FAM186A: variants seen among roughly 807,000 people sequenced by gnomAD.
FAM186A encodes family with sequence similarity 186 member A, also known as protein FAM186A.
A neutral mutation model predicts 216.8 loss-of-function variants in FAM186A; 163 were observed. The observed-to-expected ratio is 0.75, with a 90% CI of 0.66 to 0.86. FAM186A has a LOEUF of 0.86. Ranked by LOEUF, FAM186A falls within the 40% of genes least tolerant of loss-of-function variation. FAM186A has a pLI of 0.00. For synonymous variants in FAM186A, 805 were observed against 1,025.3 expected (o/e 0.79, Z 4.10); for missense variants, 2,184 against 2,746.2 (o/e 0.80, Z 4.58).
chr12:50,345,547 A>G (rs1942803597), intron 4 of FAM186A, among the ~76,000 whole-genome samples: 1 of 152,126 alleles, frequency 6.6e-6, no homozygotes, highest in African/African-American at 2.4e-5. Flanking sequence ...TAGGGATGCA[A>G]TTTCATTCTT....
chr12:50,354,498 G>T lies in FAM186A; in HGVS notation c.2334C>A (p.Leu778=). The T allele has an allele frequency of 6.4e-7, 1 of 1,551,628 alleles. No individual in the cohort carries two copies. Among genetic ancestry groups the T allele is most frequent in the Non-Finnish European group, 8.7e-7 (1 of 1,146,994 alleles). ...PISAKSESST[L]LSYESTDPVI... is the part of the protein sequence containing the mutation. ...CTGGATCTGTGCTCTCATATGAGAG[G>T]AGGGTACTGCTTTCAGATTTTGCAC... The change falls in exon 4 of 8, where the codon CTC becomes CTA. Residue 778 remains leucine, a synonymous_variant. Coordinates refer to ENST00000327337, the MANE Select transcript of FAM186A (RefSeq NM_001145475.3).
intron 6 of FAM186A, among the ~76,000 whole-genome samples, chr12:50,331,306 C>T (rs1942653871): frequency 6.6e-6 from 1 of 152,182 alleles, no homozygotes; most frequent in South Asian, 2.1e-4. Flanking sequence ...ATGGCACGAT[C>T]TCGGCTCACC....
chr12:50,355,649 T>C lies in FAM186A; in HGVS notation c.1183A>G (p.Lys395Glu), dbSNP rs1341667886. 1.3e-6 allele frequency: 2 copies of C among 1,551,240 alleles called. No individual in the cohort carries two copies. The highest frequency in any genetic ancestry group is 2.7e-5 in the African/African-American group (2 of 73,114). The part of the protein sequence containing the change: ...IVDEVQRKET[K>E]DSGIKWDSTI... ...GAGTCCCATTTTATCCCAGAGTCCT[T>C]GGTCTCTTTTCTTTGGACTTCATCT... is the stretch of plus-strand genomic sequence containing the variant. The change falls in exon 4 of 8, where the codon AAG becomes GAG. Residue 395 changes from lysine to glutamate, a missense_variant. By Grantham distance (56) the Lys-to-Glu change is moderately conservative. Coordinates refer to ENST00000327337, the MANE Select transcript of FAM186A (RefSeq NM_001145475.3).
In FAM186A at chr12:50,351,483, A is replaced by C; in HGVS notation, c.5349T>G (p.Leu1783=). 1 of 1,485,048 alleles carries C rather than the reference A, an allele frequency of 6.7e-7. No homozygotes were observed. The highest frequency in any genetic ancestry group is 2.5e-5 in the East Asian group (1 of 40,624). The allele number at this position is 1,485,048 out of a possible 1,614,324, so 92.0% of individuals were successfully genotyped here. ...APGKPLEMGI[L]SEPGKLGAPQ... ...GTGCCCCAAGCTTCCCAGGCTCAGA[A>C]AGAATCCCCATTTCTAGGGGCTTCC... The change falls in exon 4 of 8, where the codon CTT becomes CTG. Residue 1783 remains leucine (L), a synonymous_variant. Transcript: ENST00000327337.
At chr12:50,343,978 C>T (rs1408617675) in intron 4 of FAM186A, among the ~76,000 whole-genome samples, 1 of 147,820 alleles carries the variant, frequency 6.8e-6, no homozygotes, top group Non-Finnish European at 1.5e-5. Context: ...GTCTCGAACT[C>T]CTGGATTCAA....
intron 1 of FAM186A, among the ~76,000 whole-genome samples, chr12:50,384,150 A>G (rs1211751595): frequency 1.3e-5 from 2 of 152,020 alleles, no homozygotes; most frequent in African/African-American, 2.4e-5. Flanking sequence ...TAAGATATGT[A>G]CAGAGGCCAG....
chr12:50,384,793 T>A (rs1173458711), intron 1 of FAM186A, among the ~76,000 whole-genome samples: 1 of 152,058 alleles, frequency 6.6e-6, no homozygotes, highest in Non-Finnish European at 1.5e-5. Flanking sequence ...AAAAATCCAC[T>A]CAAAATGGAT....
intron 3 of FAM186A, among the ~76,000 whole-genome samples, chr12:50,360,136 C>T (rs369978658): frequency 8.0e-4 from 121 of 150,958 alleles, no homozygotes; most frequent in African/African-American, 2.6e-3. Flanking sequence ...CCCAGCTACT[C>T]GGGGAGCTGA....
At position 50,373,078 on chromosome 12, in the gene FAM186A, AAAAG is replaced by A. The variant is rs563875264; in HGVS notation, c.193-9718_193-9715del. ...AAGAAAGAAAGAAAGAAAGAAAGAG[AAAAG>A]AAAGAAAGAAAGAAAAGAAAGAAAG... On this transcript the variant is annotated intron_variant, in intron 1 of 7. Coordinates refer to ENST00000327337, the MANE Select transcript of FAM186A (RefSeq NM_001145475.3). 2.6e-3 allele frequency among the ~76,000 whole-genome samples: 371 copies of A among 145,122 alleles called. 1 individual carries two copies. The highest frequency in any genetic ancestry group is 0.012 in the East Asian group (61 of 4,922).
rs1348150631 is a variant in FAM186A at position 50,363,352 on chromosome 12, G to T, written c.205C>A (p.Gln69Lys). 6.5e-7 allele frequency: 1 copy of T among 1,549,472 alleles called. No individual in the cohort carries two copies. Among genetic ancestry groups the T allele is most frequent in the Non-Finnish European group, 8.7e-7 (1 of 1,146,180 alleles). Residue 69 changes from glutamine to lysine, a missense_variant, in exon 2 of 8, where the codon CAG (glutamine) becomes AAG (lysine). Coordinates refer to ENST00000327337, the MANE Select transcript of FAM186A (RefSeq NM_001145475.3). ...ACATTGTTCATTATTTCACTCAGCT[G>T]CATATCAATGTCCTGTCAGAATAAG... Reference protein sequence around the residue: ...LHRAREDIDMQLSEIMNNVHR... With the variant: ...LHRAREDIDMKLSEIMNNVHR...
chr12:50,373,254 G>T (rs61926181), intron 1 of FAM186A, among the ~76,000 whole-genome samples: 1 of 151,932 alleles, frequency 6.6e-6, no homozygotes, highest in African/African-American at 2.4e-5. Context: ...AAAATTAGCC[G>T]GGTGTGGTGG....
Position 50,351,788 on chromosome 12 carries a change from C to T in FAM186A, c.5044G>A (p.Glu1682Lys). ...GGAACCCCTAACTTCAATAACTGTT[C>T]TTGAGCCTGTTCTAAGTTCATAGGG... The part of the protein sequence containing the change: ...ESPMNLEQAQ[E>K]QLLKLGVPLT... Residue 1682 changes from glutamate (E) to lysine (K), a missense_variant, in exon 4 of 8, where the codon GAA becomes AAA. By Grantham distance (56) the Glu-to-Lys change is moderately conservative (BLOSUM62 1). Around this residue, in one of 7 missense-constraint regions of FAM186A, gnomAD observed 721 missense variants for 816.4 expected, o/e 0.88. Coordinates refer to ENST00000327337, the MANE Select transcript of FAM186A (RefSeq NM_001145475.3). The T allele has an allele frequency of 1.3e-6, 2 of 1,550,120 alleles. No individual in the cohort carries two copies. The highest frequency in any genetic ancestry group is 1.7e-6 in the Non-Finnish European group (2 of 1,146,170).
chr12:50,335,071 G>A (rs1037865810), intron 4 of FAM186A, among the ~76,000 whole-genome samples: 3 of 151,758 alleles, frequency 2.0e-5, no homozygotes, highest in Admixed American at 6.6e-5. Context: ...TGACCAGCTT[G>A]GGCAATATAG....
chr12:50,340,769 A>C (rs1013225433), intron 4 of FAM186A, among the ~76,000 whole-genome samples: 1 of 150,560 alleles, frequency 6.6e-6, no homozygotes, highest in African/African-American at 2.4e-5. Flanking sequence ...ATATATGGAA[A>C]CAAATGTCTA....
At chr12:50,384,133 G>C (rs970574049) in intron 1 of FAM186A, among the ~76,000 whole-genome samples, 1 of 151,772 alleles carries the variant, frequency 6.6e-6, no homozygotes, top group Non-Finnish European at 1.5e-5. Flanking sequence ...AAGAAAGAAA[G>C]AAATCCTAAG....
intron 4 of FAM186A, among the ~76,000 whole-genome samples, chr12:50,347,229 T>A (rs1429043619): frequency 6.6e-6 from 1 of 152,126 alleles, no homozygotes; most frequent in African/African-American, 2.4e-5. Context: ...CCTTGAACAT[T>A]GTGGGTTACT....
chr12:50,348,927 G>A (rs1462930694), intron 4 of FAM186A, among the ~76,000 whole-genome samples: 1 of 151,892 alleles, frequency 6.6e-6, no homozygotes, highest in Non-Finnish European at 1.5e-5. Context: ...ATATTTTGGG[G>A]GTACAGGAGA....
intron 1 of FAM186A, among the ~76,000 whole-genome samples, chr12:50,372,768 G>A (rs887904659): frequency 6.6e-6 from 1 of 151,078 alleles, no homozygotes; most frequent in African/African-American, 2.4e-5. Flanking sequence ...TGGGCATATT[G>A]GTGGGTGACT....
rs1184030049 is a variant in FAM186A at position 50,355,834 on chromosome 12, G to A, written c.998C>T (p.Ser333Phe). The change falls in exon 4 of 8, where the codon TCC becomes TTC. Residue 333 changes from serine to phenylalanine, a missense_variant. By Grantham distance (155) the Ser-to-Phe change is radical (BLOSUM62 -2). This residue lies in a region of FAM186A where 1,132 missense variants were observed against 1,263.4 expected (regional missense o/e 0.90). Transcript: ENST00000327337. ...ATATAGTTGTTCTATAACAATTTTG[G>A]ATCGAATAAGTTGTTCACATTTTTC... ...AEEKCEQLIRSKIVIEQLYAK... is the reference protein window; with the variant it reads ...AEEKCEQLIRFKIVIEQLYAK... 10 of 1,551,332 alleles carry A rather than the reference G, an allele frequency of 6.4e-6. No individual in the cohort carries two copies. The highest frequency in any genetic ancestry group is 8.7e-6 in the Non-Finnish European group (10 of 1,146,952).
Sources: allele counts gnomAD v4.1 joint callset (sites outside exome capture counted in the v4.1 genomes callset), GRCh38; gene constraint gnomAD v4.1.1; regional missense constraint gnomAD v4.1.1; transcripts MANE v1.5; gene names NCBI Gene and HGNC (gene_info 2026-07-23, HGNC 2026-07-21).